CYB5B: variants seen among roughly 807,000 people sequenced by gnomAD.
CYB5B encodes the protein cytochrome b5 type B, also known as cytochrome b5 type B (outer mitochondrial membrane).
Under a neutral mutation model 21.3 loss-of-function variants are expected in CYB5B, and 14 were observed. That is an observed-to-expected ratio of 0.66 (90% CI 0.43 to 1.03). CYB5B has a LOEUF of 1.03. Among genes scored for constraint, CYB5B ranks in the 50% least tolerant of loss-of-function variants. The probability of loss-of-function intolerance (pLI) is 0.00; values close to 1 mark genes in which losing one functional copy is unlikely to be tolerated. For synonymous variants in CYB5B, 69 were observed against 68.4 expected (o/e 1.01, Z -0.04); for missense variants, 166 against 185.1 (o/e 0.90, Z 0.60).
At chr16:69,453,920 G>T (rs1250180066) in intron 3 of CYB5B, among the ~76,000 whole-genome samples, 1 of 152,160 alleles carries the variant, frequency 6.6e-6, no homozygotes, top group Non-Finnish European at 1.5e-5. Flanking sequence ...TTGAAAGAAA[G>T]CATAGAATGT....
chr16:69,455,145 C>T (rs570289343), intron 3 of CYB5B, among the ~76,000 whole-genome samples: 2 of 152,150 alleles, frequency 1.3e-5, no homozygotes, highest in South Asian at 2.1e-4. Context: ...CCGCCTGTCT[C>T]GGCCTCCCCA....
intron 1 of CYB5B, among the ~76,000 whole-genome samples, chr16:69,440,590 G>A (rs902765497): frequency 2.6e-4 from 40 of 152,258 alleles, no homozygotes; most frequent in African/African-American, 9.6e-4. Context: ...GCATTCTCAT[G>A]TGTTGTGTAT....
intron 1 of CYB5B, among the ~76,000 whole-genome samples, chr16:69,440,745 CGTGTGTGTGTGTGT>C (rs56008000): frequency 0.02 from 2,937 of 146,414 alleles, 51 homozygotes; most frequent in Non-Finnish European, 0.027. Context: ...GTGTGTGTTG[CGTGTGTGTGTGTGT>C]GTGTGTGTGT....
rs2015009385 is a variant in CYB5B, at chr16:69,459,128, A to T, written c.362+7A>T. On this transcript the variant is annotated splice_region_variant and intron_variant, in intron 4 of 4. Coordinates refer to ENST00000307892, the MANE Select transcript of CYB5B (RefSeq NM_030579.3). ...AAAATGATACATGCAAAAGGTTAGTATCTCCTTAACAGCTTTCCATACGTT... is the reference window on the plus strand; with the variant it reads ...AAAATGATACATGCAAAAGGTTAGTTTCTCCTTAACAGCTTTCCATACGTT... 1 of 1,604,268 alleles carries T rather than the reference A, an allele frequency of 6.2e-7. No homozygotes were observed. Among genetic ancestry groups the T allele is most frequent in the South Asian group, 1.1e-5 (1 of 88,750 alleles).
At chr16:69,460,592 C>G (rs1388206327) in intron 4 of CYB5B, among the ~76,000 whole-genome samples, 1 of 152,038 alleles carries the variant, frequency 6.6e-6, no homozygotes, top group Non-Finnish European at 1.5e-5. Context: ...AGTATAATCA[C>G]TTTGGAAAAC....
intron 1 of CYB5B, among the ~76,000 whole-genome samples, chr16:69,437,569 G>A (rs890450345): frequency 6.6e-5 from 10 of 152,074 alleles, no homozygotes; most frequent in African/African-American, 2.4e-4. Context: ...ATTAATTATA[G>A]ATATATAAAC....
chr16:69,437,051 G>A (rs954777372), intron 1 of CYB5B, among the ~76,000 whole-genome samples: 3 of 152,174 alleles, frequency 2.0e-5, no homozygotes, highest in Non-Finnish European at 4.4e-5. Context: ...ATATTCTTTG[G>A]ACAGTTGAAC....
intron 3 of CYB5B, among the ~76,000 whole-genome samples, chr16:69,452,375 C>A (rs556725703): frequency 1.3e-5 from 2 of 149,782 alleles, no homozygotes; most frequent in South Asian, 2.1e-4. Context: ...CCTTGCTTCT[C>A]TTTACTTAAA....
At chr16:69,434,952 T>G (rs1394686056) in intron 1 of CYB5B, among the ~76,000 whole-genome samples, 1 of 152,202 alleles carries the variant, frequency 6.6e-6, no homozygotes, top group East Asian at 1.9e-4. Flanking sequence ...CTAATGATGT[T>G]GTATCTTTCC....
At chr16:69,444,734 AC>A (rs2014860626) in intron 1 of CYB5B, among the ~76,000 whole-genome samples, 1 of 152,130 alleles carries the variant, frequency 6.6e-6, no homozygotes, top group African/African-American at 2.4e-5. Context: ...AACACAAAAA[AC>A]TTTTATTTAT....
At chr16:69,452,930 C>T (rs1413726236) in intron 3 of CYB5B, among the ~76,000 whole-genome samples, 4 of 149,994 alleles carry the variant, frequency 2.7e-5, no homozygotes, top group African/African-American at 9.8e-5. Flanking sequence ...ACCCGGGAGG[C>T]GGAGGTTGCA....
At chr16:69,425,703 C>T (rs1233408166) in intron 1 of CYB5B, among the ~76,000 whole-genome samples, 1 of 152,162 alleles carries the variant, frequency 6.6e-6, no homozygotes, top group Non-Finnish European at 1.5e-5. Flanking sequence ...TTCTAAAAAG[C>T]TTCCTTTCCC....
chr16:69,450,421 G>T (rs2014921335), intron 3 of CYB5B, among the ~76,000 whole-genome samples: 1 of 152,086 alleles, frequency 6.6e-6, no homozygotes, highest in Non-Finnish European at 1.5e-5. Context: ...TGTACTCAAG[G>T]GACATGTCTT....
intron 1 of CYB5B, among the ~76,000 whole-genome samples, chr16:69,445,062 A>G (rs1361375910): frequency 6.6e-6 from 1 of 152,254 alleles, no homozygotes; most frequent in African/African-American, 2.4e-5. Flanking sequence ...AAATGTTGTA[A>G]TCTATGAAGG....
chr16:69,439,616 G>A (rs2014799127), intron 1 of CYB5B, among the ~76,000 whole-genome samples: 1 of 152,022 alleles, frequency 6.6e-6, no homozygotes, highest in South Asian at 2.1e-4. Context: ...ACCTAGGCTG[G>A]AGTGCAGTGG....
intron 1 of CYB5B, among the ~76,000 whole-genome samples, chr16:69,425,139 T>G (rs2014630126): frequency 6.6e-6 from 1 of 152,200 alleles, no homozygotes; most frequent in Non-Finnish European, 1.5e-5. Flanking sequence ...ATCATTATCT[T>G]TATTTTACAG....
chr16:69,427,287 A>AT (rs1248410662), intron 1 of CYB5B, among the ~76,000 whole-genome samples: 2 of 151,700 alleles, frequency 1.3e-5, no homozygotes, highest in East Asian at 1.9e-4. Context: ...ATTTCCCTCC[A>AT]TTTTTTTTCT....
intron 4 of CYB5B, 45 bp from the exon 5 acceptor site, chr16:69,462,385 G>T (rs770844022): frequency 1.4e-6 from 2 of 1,459,376 alleles, no homozygotes; most frequent in South Asian, 2.3e-5. Flanking sequence ...TGAACATTTG[G>T]CTTAAAATAT....
intron 1 of CYB5B, among the ~76,000 whole-genome samples, chr16:69,434,308 G>A (rs2014736903): frequency 6.6e-6 from 1 of 152,152 alleles, no homozygotes; most frequent in African/African-American, 2.4e-5. Context: ...GGGCTGTTAT[G>A]AATAAAACTG....
Sources: allele counts gnomAD v4.1 joint callset (sites outside exome capture counted in the v4.1 genomes callset), GRCh38; gene constraint gnomAD v4.1.1; transcripts MANE v1.5; gene names NCBI Gene and HGNC (gene_info 2026-07-23, HGNC 2026-07-21).